Variants in HIVEP3 observed in about 807,000 individuals in gnomAD.
HIVEP3 encodes HIVEP zinc finger 3.
Under a neutral mutation model 152.8 loss-of-function variants are expected in HIVEP3, and 49 were observed. The ratio of observed to expected loss-of-function variants is 0.32; its 90% CI spans 0.26 to 0.41. HIVEP3 has a LOEUF of 0.41. Ranked by LOEUF, HIVEP3 falls within the 10% of genes least tolerant of loss-of-function variation. The probability of loss-of-function intolerance (pLI) is 1.00; values close to 1 mark genes in which losing one functional copy is unlikely to be tolerated. For missense variants in HIVEP3, 2,790 were observed against 3,103.3 expected (o/e 0.90, Z 2.40); for synonymous variants, 1,269 against 1,289.0 (o/e 0.98, Z 0.33).
chr1:41,720,714 T>C (rs1646662187), intron 1 of HIVEP3, among the ~76,000 whole-genome samples: 1 of 152,216 alleles, frequency 6.6e-6, no homozygotes, highest in Non-Finnish European at 1.5e-5. Context: ...TCCAAAAGGA[T>C]TGAAAACAAG....
intron 1 of HIVEP3, among the ~76,000 whole-genome samples, chr1:41,743,694 T>C (rs1647029517): frequency 1.3e-5 from 2 of 152,304 alleles, no homozygotes; most frequent in South Asian, 4.1e-4. Context: ...AGCTTCTCTC[T>C]TCTCCATGAC....
intron 3 of HIVEP3, among the ~76,000 whole-genome samples, chr1:41,595,654 G>A (rs141572155): frequency 1.3e-5 from 2 of 152,164 alleles, no homozygotes; most frequent in African/African-American, 4.8e-5. Flanking sequence ...TGCCAAAGGA[G>A]ATTAACATTT....
intron 1 of HIVEP3, among the ~76,000 whole-genome samples, chr1:41,795,463 G>C (rs957730094): frequency 6.6e-6 from 1 of 152,116 alleles, no homozygotes; most frequent in African/African-American, 2.4e-5. Context: ...GGTGATGTCC[G>C]CCAGGTTTAT....
intron 2 of HIVEP3, among the ~76,000 whole-genome samples, chr1:41,667,667 T>C (rs779474778): frequency 1.3e-5 from 2 of 152,226 alleles, no homozygotes; most frequent in Non-Finnish European, 2.9e-5. Context: ...TTAAGATGGA[T>C]GTGGGTGCAT....
At position 41,733,790 on chromosome 1, in the gene HIVEP3, C is replaced by T. The variant is rs905154947; in HGVS notation, c.-800-32795G>A. Among the ~76,000 whole-genome samples the T allele has an allele frequency of 9.2e-5, 14 of 152,326 alleles. No individual in the cohort carries two copies. The South Asian group carries it at 1.2e-3, about 14-fold the overall frequency. On this transcript the variant is annotated intron_variant, in intron 1 of 8. Transcript: ENST00000372583. Reference sequence around the variant, plus strand: ...ACAGGCCTCCCTGGCTCCTCACTCTCTTTGTCCCCCTGCCACCTTCTCAGA... The same window carrying T: ...ACAGGCCTCCCTGGCTCCTCACTCTTTTTGTCCCCCTGCCACCTTCTCAGA...
At chr1:41,742,780 T>G (rs1647015425) in intron 1 of HIVEP3, among the ~76,000 whole-genome samples, 1 of 152,190 alleles carries the variant, frequency 6.6e-6, no homozygotes, top group African/African-American at 2.4e-5. Flanking sequence ...ATCATCTTGA[T>G]CCATTTTCAC....
At chr1:41,904,358 G>T (rs1644676441) in intron 1 of HIVEP3, among the ~76,000 whole-genome samples, 1 of 152,182 alleles carries the variant, frequency 6.6e-6, no homozygotes, top group African/African-American at 2.4e-5. Context: ...AAGAGGTCCT[G>T]ACCTTGGCTG....
In HIVEP3 at chr1:41,917,101, C is replaced by G. The variant is rs7554189; in HGVS notation, c.-801+1312G>C. Among the ~76,000 whole-genome samples the G allele has an allele frequency of 3.3e-3, 496 of 152,230 alleles. 4 individuals are homozygous for G. Among genetic ancestry groups the G allele is most frequent in the African/African-American group, 0.012 (478 of 41,498 alleles). ...CCTCCTTGCCCCCACTCTCTCCCTG[C>G]CCCCAGCATACACATAATTACATAA... On this transcript the variant is annotated intron_variant, in intron 1 of 8. Coordinates refer to ENST00000372583, the MANE Select transcript of HIVEP3 (RefSeq NM_024503.5).
intron 3 of HIVEP3, among the ~76,000 whole-genome samples, chr1:41,601,412 C>T (rs1209604635): frequency 1.3e-5 from 2 of 152,040 alleles, no homozygotes; most frequent in African/African-American, 4.8e-5. Context: ...TTGTTTGTGT[C>T]TTCTTTAATT....
chr1:41,730,038 T>A (rs949862019), intron 1 of HIVEP3, among the ~76,000 whole-genome samples: 2 of 152,292 alleles, frequency 1.3e-5, no homozygotes, highest in Admixed American at 1.3e-4. Context: ...CTCCAGCTAG[T>A]CGGGGTTGAG....
chr1:41,762,644 T>C (rs779357088), intron 1 of HIVEP3, among the ~76,000 whole-genome samples: 11 of 152,208 alleles, frequency 7.2e-5, no homozygotes, highest in Non-Finnish European at 1.5e-4. Context: ...AGCCTGCTCC[T>C]GTGCTGGCAC....
At chr1:41,631,260 A>C (rs1168838753) in intron 2 of HIVEP3, among the ~76,000 whole-genome samples, 2 of 152,038 alleles carry the variant, frequency 1.3e-5, no homozygotes, top group Non-Finnish European at 2.9e-5. Flanking sequence ...TAGCCCTTCC[A>C]CTTCTGACGT....
In HIVEP3 at chr1:41,581,181, G is replaced by T; in HGVS notation, c.3617C>A (p.Pro1206His). 1 of 1,551,578 alleles carries T rather than the reference G, an allele frequency of 6.4e-7. No homozygotes were observed. Among genetic ancestry groups the T allele is most frequent in the South Asian group, 1.3e-5 (1 of 79,918 alleles). Residue 1206 changes from proline to histidine, a missense_variant, in exon 4 of 9, where the codon CCC becomes CAC. Pro to His is a moderately conservative substitution (Grantham distance 77). This residue lies in a region of HIVEP3 where 1,078 missense variants were observed against 1,165.3 expected (regional missense o/e 0.93). Transcript: ENST00000372583. The surrounding 1 kb of genome is among the most constrained non-coding windows in gnomAD (Gnocchi z 4.5). ...TVLHPGQLHL[P>H]QLMPHPANIP... is the part of the protein sequence containing the mutation. ...GTTGGCTGGGTGAGGCATGAGCTGGGGGAGATGGAGTTGGCCTGGGTGCAG... is the reference window on the plus strand; with the variant it reads ...GTTGGCTGGGTGAGGCATGAGCTGGTGGAGATGGAGTTGGCCTGGGTGCAG...
chr1:41,981,617 ACC>A (rs1645294532), intron 1 of HIVEP3, among the ~76,000 whole-genome samples: 1 of 152,240 alleles, frequency 6.6e-6, no homozygotes, highest in African/African-American at 2.4e-5. Context: ...TGGAGATTTT[ACC>A]TGCTGCAAAA....
At chr1:41,585,792 T>C (rs1211060498) in intron 3 of HIVEP3, among the ~76,000 whole-genome samples, 1 of 152,146 alleles carries the variant, frequency 6.6e-6, no homozygotes, top group African/African-American at 2.4e-5. Context: ...ATGCAGATGC[T>C]GCTGGGTGAA....
At chr1:41,536,631 C>T (rs1184270524) in intron 5 of HIVEP3, among the ~76,000 whole-genome samples, 1 of 152,064 alleles carries the variant, frequency 6.6e-6, no homozygotes, top group Non-Finnish European at 1.5e-5. Context: ...AGTGGCTATT[C>T]CTGTCCTGCC....
chr1:41,992,177 G>C (rs867223607), intron 1 of HIVEP3, among the ~76,000 whole-genome samples: 14 of 148,600 alleles, frequency 9.4e-5, no homozygotes, highest in Middle Eastern at 3.4e-3. Context: ...GGAAATAAAG[G>C]GTATTCAATT....
chr1:41,524,941 A>G (rs1558025794), intron 5 of HIVEP3, 31 bp from the exon 6 acceptor site: 1 of 1,594,906 alleles, frequency 6.3e-7, no homozygotes. Context: ...AGTAAAGGGA[A>G]AAAAAAGGAG....
chr1:41,956,992 T>A (rs1294621108), intron 1 of HIVEP3, among the ~76,000 whole-genome samples: 1 of 152,218 alleles, frequency 6.6e-6, no homozygotes, highest in Admixed American at 6.5e-5. Context: ...GTCAAAACTA[T>A]ATGTTTATTT....
Sources: gnomAD v4.1 joint callset for allele counts (sites outside exome capture counted in the v4.1 genomes callset) on GRCh38, gnomAD v4.1.1 for gene constraint, gnomAD v4.1.1 regional missense constraint, Gnocchi (gnomAD v3.1) non-coding constraint, MANE v1.5 for transcripts, NCBI Gene and HGNC (gene_info 2026-07-23, HGNC 2026-07-21) for gene names.